The following NUDCD1 variants were observed in gnomAD, a reference collection of about 807,000 sequenced individuals.
NUDCD1 encodes the protein NudC domain containing 1.
Under a neutral mutation model 67.8 loss-of-function variants are expected in NUDCD1, and 60 were observed. The observed-to-expected ratio is 0.88, with a 90% CI of 0.72 to 1.10. NUDCD1 has a LOEUF of 1.10. Ranked by LOEUF, NUDCD1 falls within the 50% of genes least tolerant of loss-of-function variation. The probability of loss-of-function intolerance (pLI) is 0.00; values close to 1 mark genes in which losing one functional copy is unlikely to be tolerated. For missense variants in NUDCD1, 643 were observed against 695.0 expected (o/e 0.93, Z 0.84); for synonymous variants, 244 against 230.8 (o/e 1.06, Z -0.52).
chr8:109,325,174 AAGAT>A (rs1815648338), intron 1 of NUDCD1, among the ~76,000 whole-genome samples: 1 of 152,150 alleles, frequency 6.6e-6, no homozygotes, highest in Admixed American at 6.5e-5. Context: ...AGAGAGTAGA[AAGAT>A]AGTTATCAGA....
chr8:109,330,410 ACTC>A, intron 1 of NUDCD1, among the ~76,000 whole-genome samples: 1 of 152,128 alleles, frequency 6.6e-6, no homozygotes, highest in Non-Finnish European at 1.5e-5. Context: ...ACTAAAGTGA[ACTC>A]CTTCAGTTAG....
Position 109,333,900 on chromosome 8 carries a change from A to C in NUDCD1, c.111T>G (p.Leu37=), listed in dbSNP as rs760631957. The C allele has an allele frequency of 3.1e-6, 5 of 1,614,126 alleles. No homozygotes were observed. The Admixed American group carries it at 8.3e-5, about 27-fold the overall frequency. Residue 37 remains leucine, a synonymous_variant, in exon 1 of 10, where the codon CTT becomes CTG. Coordinates refer to ENST00000239690, the MANE Select transcript of NUDCD1 (RefSeq NM_032869.4). ...LEPLPCYQLE[L]DAAVAEVKLR... The stretch of plus-strand genomic sequence containing the variant: ...GGCGCCGCCGCTTCCCACCTGCGTC[A>C]AGCTCCAGCTGGTAACAAGGCAGCG...
At chr8:109,333,848 G>A (rs748509697) in intron 1 of NUDCD1, 45 bp downstream of exon 1, 2 of 1,606,224 alleles carry the variant, frequency 1.2e-6, no homozygotes, top group South Asian at 1.1e-5. Flanking sequence ...GGAGGCAGCC[G>A]AAAGGGGAAA....
intron 8 of NUDCD1, among the ~76,000 whole-genome samples, chr8:109,249,910 T>C (rs1442549743): frequency 6.7e-6 from 1 of 149,700 alleles, no homozygotes; most frequent in Non-Finnish European, 1.5e-5. Context: ...CAGTGGCACA[T>C]TCATGGCTCA....
chr8:109,300,300 A>C (rs1043183252), intron 2 of NUDCD1, among the ~76,000 whole-genome samples: 2 of 151,964 alleles, frequency 1.3e-5, no homozygotes, highest in African/African-American at 2.4e-5. Flanking sequence ...TATTAAGCTA[A>C]TCAGGGAGGC....
chr8:109,329,504 T>C (rs1434992449), intron 1 of NUDCD1, among the ~76,000 whole-genome samples: 1 of 152,058 alleles, frequency 6.6e-6, no homozygotes, highest in Admixed American at 6.6e-5. Context: ...GCAACAAAGA[T>C]AGGATAATGT....
At chr8:109,280,945 A>G (rs934267620) in intron 6 of NUDCD1, 23 bp downstream of exon 6, 10 of 1,107,268 alleles carry the variant, frequency 9.0e-6, no homozygotes, top group Non-Finnish European at 1.2e-5. Context: ...ATAGAATATT[A>G]AAGTAAAATT....
chr8:109,259,566 G>A (rs1167357546), intron 8 of NUDCD1, among the ~76,000 whole-genome samples: 1 of 152,152 alleles, frequency 6.6e-6, no homozygotes, highest in Non-Finnish European at 1.5e-5. Context: ...GGATTATCTG[G>A]TTAATCAGGC....
At position 109,243,305 on chromosome 8, in the gene NUDCD1, C is replaced by T; in HGVS notation, c.1460-4G>A. The T allele has an allele frequency of 6.4e-7, 1 of 1,555,838 alleles. No homozygotes were observed. Among genetic ancestry groups the T allele is most frequent in the African/African-American group, 1.4e-5 (1 of 73,052 alleles). Reference sequence around the variant, plus strand: ...CTCTTTGATGCTTGGACATAGCCTGCCAAGAATATGAGACAAACAAAAGAA... The same window carrying T: ...CTCTTTGATGCTTGGACATAGCCTGTCAAGAATATGAGACAAACAAAAGAA... On this transcript the variant is annotated splice_region_variant and splice_polypyrimidine_tract_variant and intron_variant, in intron 9 of 9. Transcript: ENST00000239690.
intron 8 of NUDCD1, among the ~76,000 whole-genome samples, chr8:109,265,280 A>G (rs1374825299): frequency 2.6e-5 from 4 of 152,056 alleles, no homozygotes; most frequent in African/African-American, 4.8e-5. Context: ...TCTGTTTTTT[A>G]TAATAATTTA....
Position 109,280,995 on chromosome 8 carries a change from C to A in NUDCD1, c.1001G>T (p.Ser334Ile). 1.3e-6 allele frequency: 2 copies of A among 1,597,400 alleles called. No individual in the cohort carries two copies. Among genetic ancestry groups the A allele is most frequent in the South Asian group, 1.1e-5 (1 of 90,454 alleles). Residue 334 changes from serine to isoleucine, a missense_variant, in exon 6 of 10, where the codon AGT becomes ATT. Transcript: ENST00000239690. ...ATTACTCTCTTTAATTATCCATGTA[C>A]TGCTTTCATGATCAATAGATGAATA... ...KLYSSIDHES[S>I]TWIIKESNSL...
At chr8:109,321,031 T>C (rs1308995666) in intron 2 of NUDCD1, among the ~76,000 whole-genome samples, 1 of 152,254 alleles carries the variant, frequency 6.6e-6, no homozygotes, top group Non-Finnish European at 1.5e-5. Context: ...ATAACTTTTT[T>C]GGTTTTTAAA....
At chr8:109,270,942 A>G in intron 8 of NUDCD1, 63 bp downstream of exon 8, 1 of 1,075,384 alleles carries the variant, frequency 9.3e-7, no homozygotes, top group Non-Finnish European at 1.4e-6. Flanking sequence ...AAACATATTT[A>G]GACCAATCAT....
At chr8:109,276,800 C>T (rs778595507) in intron 6 of NUDCD1, among the ~76,000 whole-genome samples, 4 of 152,062 alleles carry the variant, frequency 2.6e-5, no homozygotes, top group Non-Finnish European at 5.9e-5. Flanking sequence ...GCTGGGATTA[C>T]AGGCCACGCC....
chr8:109,293,370 C>G lies in NUDCD1; in HGVS notation c.614G>C (p.Trp205Ser). 6.4e-7 allele frequency: 1 copy of G among 1,572,278 alleles called. No homozygotes were observed. Among genetic ancestry groups the G allele is most frequent in the Non-Finnish European group, 8.6e-7 (1 of 1,161,344 alleles). Residue 205 changes from tryptophan (W) to serine (S), a missense_variant, in exon 4 of 10, where the codon TGG becomes TCG. Transcript: ENST00000239690. ...TTGATTTTTCTTACTGATAGTGACC[C>G]ACTCCAGAGAAACATAGAAACCACT... Reference protein sequence around the residue: ...KGSGFYVSLEWVTISKKNQDN... With the variant: ...KGSGFYVSLESVTISKKNQDN...
At chr8:109,252,236 C>T (rs1405151151) in intron 8 of NUDCD1, among the ~76,000 whole-genome samples, 4 of 152,114 alleles carry the variant, frequency 2.6e-5, no homozygotes, top group Non-Finnish European at 5.9e-5. Flanking sequence ...TACTCTGTGA[C>T]CTCAGTTTCA....
chr8:109,299,543 A>G (rs915868693), intron 2 of NUDCD1, among the ~76,000 whole-genome samples: 1 of 152,142 alleles, frequency 6.6e-6, no homozygotes, highest in Non-Finnish European at 1.5e-5. Flanking sequence ...TCCTAGGAAC[A>G]TAACTCCATT....
intron 5 of NUDCD1, among the ~76,000 whole-genome samples, chr8:109,282,430 T>G (rs1449972793): frequency 6.6e-6 from 1 of 151,910 alleles, no homozygotes; most frequent in Non-Finnish European, 1.5e-5. Flanking sequence ...CTCTGCATTC[T>G]CTATAGTCAC....
At chr8:109,259,011 C>T (rs1813804408) in intron 8 of NUDCD1, among the ~76,000 whole-genome samples, 1 of 152,144 alleles carries the variant, frequency 6.6e-6, no homozygotes, top group South Asian at 2.1e-4. Context: ...TACTGTGATA[C>T]CTGAACTTTA....
Sources: gnomAD v4.1 joint callset for allele counts (sites outside exome capture counted in the v4.1 genomes callset) on GRCh38, gnomAD v4.1.1 for gene constraint, MANE v1.5 for transcripts, NCBI Gene and HGNC (gene_info 2026-07-23, HGNC 2026-07-21) for gene names.